Variants in NPIPB4 observed in about 807,000 individuals in gnomAD.
NPIPB4 encodes the protein nuclear pore complex interacting protein family member B4.
For missense variants in NPIPB4, 105 were observed against 513.7 expected (o/e 0.20, Z 7.69); for synonymous variants, 31 against 194.1 (o/e 0.16, Z 6.99).
chr16:21,841,942 G>A (rs1052897936), intron 5 of NPIPB4, among the ~76,000 whole-genome samples: 11 of 151,696 alleles, frequency 7.3e-5, no homozygotes, highest in African/African-American at 2.7e-4. Context: ...ACCCAGAAGA[G>A]TCATGCATCA....
chr16:21,841,965 A>G (rs1368673263), intron 5 of NPIPB4, among the ~76,000 whole-genome samples: 1 of 151,768 alleles, frequency 6.6e-6, no homozygotes, highest in East Asian at 1.9e-4. Context: ...ATAAAGGTGG[A>G]CAGGAAATAC....
chr16:21,848,190 A>AT (rs1462510098), intron 2 of NPIPB4, among the ~76,000 whole-genome samples: 566 of 140,598 alleles, frequency 4.0e-3, no homozygotes, highest in Non-Finnish European at 6.3e-3. Context: ...GTGCCCAGCC[A>AT]TTTTTTTGTT....
chr16:21,842,991 CGTG>C (rs1198518861), intron 5 of NPIPB4, among the ~76,000 whole-genome samples: 2 of 41,612 alleles, frequency 4.8e-5, no homozygotes, highest in African/African-American at 2.1e-4. Context: ...ATTAGCTGGG[CGTG>C]GTGGTGGGCA....
In NPIPB4 at chr16:21,837,015, G is replaced by A. The variant is rs200327925; in HGVS notation, c.1372C>T (p.Arg458Trp). 4 of 231,146 alleles carry A rather than the reference G, an allele frequency of 1.7e-5. No individual in the cohort carries two copies. Among genetic ancestry groups the A allele is most frequent in the South Asian group, 4.8e-5 (1 of 20,720 alleles). 14.3% of individuals were successfully genotyped at this position (231,146 alleles called of 1,614,324 possible). A position where few individuals can be genotyped will look rare whatever the true frequency, so the allele number is the denominator to read the frequency against. ...TCCGCTGAGGGTGGAAGCGGCCCCC[G>A]CAGACGCTCAGCAGGTGTCTTGATA... Reference protein sequence around the residue: ...DNIKTPAERLRGPLPPSADDN... With the variant: ...DNIKTPAERLWGPLPPSADDN... The change falls in exon 8 of 8, where the codon CGG (arginine) becomes TGG (tryptophan). Residue 458 changes from arginine (R) to tryptophan (W), a missense_variant. By Grantham distance (101) the Arg-to-Trp change is moderately radical. Coordinates refer to ENST00000682606, the MANE Select transcript of NPIPB4 (RefSeq NM_001384980.1).
intron 3 of NPIPB4, among the ~76,000 whole-genome samples, chr16:21,846,031 T>C (rs1347073789): frequency 7.3e-6 from 1 of 137,740 alleles, no homozygotes; most frequent in African/African-American, 2.7e-5. Flanking sequence ...AAAAATTAGC[T>C]GGGCATGGTG....
At chr16:21,840,538 C>T (rs1901678686) in intron 5 of NPIPB4, among the ~76,000 whole-genome samples, 1 of 150,602 alleles carries the variant, frequency 6.6e-6, no homozygotes, top group East Asian at 2.0e-4. Context: ...CCCCTGCAAC[C>T]TTCCCACAAA....
Position 21,851,267 on chromosome 16 carries a change from G to A in NPIPB4, c.121-3726C>T, listed in dbSNP as rs1199332248. On this transcript the variant is annotated intron_variant, in intron 2 of 7. Transcript: ENST00000682606. ...GGCCGGATCTGAGTTGGGGAGGGGA[G>A]GGGGAGGGGAGGGGGAGGGGAGGGG... is the stretch of plus-strand genomic sequence containing the variant. The A allele has an allele frequency of 2.5e-5, 6 of 239,348 alleles. No individual in the cohort carries two copies. The East Asian group carries it at 7.2e-4, about 29-fold the overall frequency. 14.8% of individuals were successfully genotyped at this position (239,348 alleles called of 1,614,324 possible).
At position 21,840,775 on chromosome 16, in the gene NPIPB4, CATTTT is replaced by C. The variant is rs1178635298; in HGVS notation, c.546-1470_546-1466del. On this transcript the variant is annotated intron_variant, in intron 5 of 7. Transcript: ENST00000682606. ...TCTTGTGCTTGACACAGCGAAAGCTCATTTTAGTTCAGTGTGAAAAACCAGACCTC... is the reference window on the plus strand; with the variant it reads ...TCTTGTGCTTGACACAGCGAAAGCTCAGTTCAGTGTGAAAAACCAGACCTC... 4.2e-3 allele frequency: 1,438 copies of C among 339,432 alleles called. 7 individuals carry two copies. The highest frequency in any genetic ancestry group is 4.6e-3 in the Non-Finnish European group (1,130 of 247,144). 21.0% of individuals were successfully genotyped at this position (339,432 alleles called of 1,614,324 possible).
intron 2 of NPIPB4, among the ~76,000 whole-genome samples, chr16:21,848,190 ATTT>A (rs1462510098): frequency 7.1e-6 from 1 of 140,578 alleles, no homozygotes; most frequent in Non-Finnish European, 1.6e-5. Context: ...GTGCCCAGCC[ATTT>A]TTTTGTTTTT....
intron 2 of NPIPB4, among the ~76,000 whole-genome samples, chr16:21,850,003 T>TCATTAAAAAA (rs1194565090): frequency 1.4e-4 from 3 of 21,348 alleles, no homozygotes; most frequent in African/African-American, 3.0e-4. Context: ...GGTTCACGCC[T>TCATTAAAAAA]GTAATCCCAA....
At chr16:21,843,139 A>T (rs1901954672) in intron 5 of NPIPB4, among the ~76,000 whole-genome samples, 2 of 129,690 alleles carry the variant, frequency 1.5e-5, no homozygotes, top group Admixed American at 1.7e-4. Context: ...AAAAAAAAAA[A>T]AAAAAGAGAA....
intron 2 of NPIPB4, among the ~76,000 whole-genome samples, chr16:21,850,454 T>G (rs1394016183): frequency 1.3e-5 from 2 of 151,924 alleles, no homozygotes; most frequent in Non-Finnish European, 2.9e-5. Flanking sequence ...ATGGAGACTA[T>G]CCTGGCGAAC....
chr16:21,841,889 C>T (rs1901820809), intron 5 of NPIPB4, among the ~76,000 whole-genome samples: 1 of 151,234 alleles, frequency 6.6e-6, no homozygotes, highest in Admixed American at 6.6e-5. Context: ...GAGGGTCTGC[C>T]AATGAAAGCG....
At chr16:21,850,180 G>C (rs1176803872) in intron 2 of NPIPB4, among the ~76,000 whole-genome samples, 1 of 136,226 alleles carries the variant, frequency 7.3e-6, no homozygotes, top group Non-Finnish European at 1.6e-5. Flanking sequence ...AGAATCGCTC[G>C]AACCTGGGAA....
intron 2 of NPIPB4, among the ~76,000 whole-genome samples, chr16:21,856,282 A>AAT (rs1245679920): frequency 6.6e-5 from 1 of 15,186 alleles, no homozygotes; most frequent in Non-Finnish European, 1.0e-4. Flanking sequence ...TGTCTCAAAA[A>AAT]ATATGTGTGT....
chr16:21,840,465 CA>C (rs1901669733), intron 5 of NPIPB4, among the ~76,000 whole-genome samples: 1 of 148,212 alleles, frequency 6.7e-6, no homozygotes, highest in Non-Finnish European at 1.5e-5. Context: ...ACACATGATC[CA>C]CCAGCCCGTG....
chr16:21,850,176 G>A (rs1450295229), intron 2 of NPIPB4, among the ~76,000 whole-genome samples: 3 of 134,704 alleles, frequency 2.2e-5, no homozygotes, highest in Non-Finnish European at 3.3e-5. Flanking sequence ...CAGGAGAATC[G>A]CTCGAACCTG....
At chr16:21,850,479 T>C (rs1176098669) in intron 2 of NPIPB4, among the ~76,000 whole-genome samples, 4 of 151,988 alleles carry the variant, frequency 2.6e-5, no homozygotes, top group Admixed American at 6.5e-5. Flanking sequence ...TGAAACCCCA[T>C]CTCTACTAAA....
intron 5 of NPIPB4, among the ~76,000 whole-genome samples, chr16:21,843,041 G>A (rs1413329263): frequency 1.5e-5 from 1 of 65,406 alleles, no homozygotes. Flanking sequence ...TGAGGCAGGA[G>A]AATTGCTTGA....
Sources: gnomAD v4.1 joint callset for allele counts (sites outside exome capture counted in the v4.1 genomes callset) on GRCh38, gnomAD v4.1.1 for gene constraint, MANE v1.5 for transcripts, NCBI Gene and HGNC (gene_info 2026-07-23, HGNC 2026-07-21) for gene names.